Variants in DSCAM observed in about 807,000 individuals in gnomAD.
DSCAM encodes the protein DS cell adhesion molecule, also known as cell adhesion molecule DSCAM.
DSCAM carries 47 observed loss-of-function variants against 217.7 expected under a neutral mutation model. That is an observed-to-expected ratio of 0.22 (90% CI 0.17 to 0.28). The LOEUF is 0.28. DSCAM is among the 10% of genes least tolerant of loss of function. The pLI is 1.00. For synonymous variants in DSCAM, 1,056 were observed against 1,015.3 expected (o/e 1.04, Z -0.76); for missense variants, 2,080 against 2,618.3 (o/e 0.79, Z 4.49).
chr21:40,698,694 A>AC lies in DSCAM; in HGVS notation c.362-5739dup, dbSNP rs2090620937. 2.0e-5 allele frequency among the ~76,000 whole-genome samples: 3 copies of AC among 151,978 alleles called. No individual in the cohort carries two copies. The South Asian group carries it at 6.2e-4, about 32-fold the overall frequency. On this transcript the variant is annotated intron_variant, in intron 2 of 32. Coordinates refer to ENST00000400454, the MANE Select transcript of DSCAM (RefSeq NM_001389.5). ...AGACCAGCCTGGCCAACATGGTGAA[A>AC]CCCCATTTTTACTAAAAATACAAAA...
intron 1 of DSCAM, among the ~76,000 whole-genome samples, chr21:40,740,422 ATG>A (rs2091112787): frequency 6.6e-6 from 1 of 152,182 alleles, no homozygotes; most frequent in South Asian, 2.1e-4. Context: ...TGCTGACCCC[ATG>A]TGCCTCCTCC....
At chr21:40,035,133 C>A (rs1391155436) in intron 32 of DSCAM, among the ~76,000 whole-genome samples, 6 of 73,214 alleles carry the variant, frequency 8.2e-5, no homozygotes, top group African/African-American at 3.6e-4. Context: ...CAGCTAACAT[C>A]ATAATGACAG....
At chr21:40,578,446 A>ACCAATCAGCACTCTGTAAAACG (rs2076873432) in intron 3 of DSCAM, among the ~76,000 whole-genome samples, 19 of 83,892 alleles carry the variant, frequency 2.3e-4, no homozygotes, top group African/African-American at 3.4e-5. Context: ...TCTGTAAAAC[A>ACCAATCAGCACTCTGTAAAACG]GACCAATCAG....
chr21:40,012,883 C>T lies in DSCAM; in HGVS notation c.*151G>A, dbSNP rs2088082663. The T allele has an allele frequency of 1.8e-6, 1 of 564,472 alleles. No homozygotes were observed. Among genetic ancestry groups the T allele is most frequent in the African/African-American group, 2.0e-5 (1 of 50,634 alleles). 35.0% of individuals were successfully genotyped at this position (564,472 alleles called of 1,614,324 possible). A position where few individuals can be genotyped will look rare whatever the true frequency, so the allele number is the denominator to read the frequency against. On this transcript the variant is annotated 3_prime_UTR_variant, in exon 33 of 33. Coordinates refer to ENST00000400454, the MANE Select transcript of DSCAM (RefSeq NM_001389.5). ...GAAAAAAAGCAGGAGAGTCTTTGCA[C>T]TGTCTGTGGTTTCAGTATTTTCTCT...
chr21:40,353,704 T>C lies in DSCAM; in HGVS notation c.695A>G (p.Asp232Gly). 1 of 1,599,678 alleles carries C rather than the reference T, an allele frequency of 6.3e-7. No homozygotes were observed. Among genetic ancestry groups the C allele is most frequent in the Non-Finnish European group, 8.5e-7 (1 of 1,176,056 alleles). Reference sequence around the variant, plus strand: ...CTGCCCAGCCATGGCTTTGCGATGGTCAAACCCATCCAGTATGGATGGGGC... The same window carrying C: ...CTGCCCAGCCATGGCTTTGCGATGGCCAAACCCATCCAGTATGGATGGGGC... ...NSAPSILDGF[D>G]HRKAMAGQRV... Residue 232 changes from aspartate (D) to glycine (G), a missense_variant, in exon 5 of 33, where the codon GAC becomes GGC. Transcript: ENST00000400454.
intron 1 of DSCAM, among the ~76,000 whole-genome samples, chr21:40,805,186 A>G (rs777625975): frequency 6.6e-6 from 1 of 152,202 alleles, no homozygotes; most frequent in Admixed American, 6.5e-5. Context: ...ATGACTGCCC[A>G]GTGACTTCCA....
At chr21:40,380,905 T>C (rs1287554431) in intron 3 of DSCAM, among the ~76,000 whole-genome samples, 1 of 150,734 alleles carries the variant, frequency 6.6e-6, no homozygotes, top group Non-Finnish European at 1.5e-5. Context: ...CTACTAAAAA[T>C]GCAAAAAATT....
chr21:40,341,730 T>C (rs2074493630), intron 6 of DSCAM, among the ~76,000 whole-genome samples: 1 of 152,158 alleles, frequency 6.6e-6, no homozygotes, highest in Non-Finnish European at 1.5e-5. Context: ...ATAATCAGAG[T>C]ACACTTAGAA....
intron 11 of DSCAM, among the ~76,000 whole-genome samples, chr21:40,244,639 A>T (rs1176116498): frequency 6.6e-6 from 1 of 152,114 alleles, no homozygotes; most frequent in African/African-American, 2.4e-5. Context: ...TCTGGACCAA[A>T]GCTAAGTAGC....
chr21:40,052,014 G>A lies in DSCAM; in HGVS notation c.5129C>T (p.Ser1710Leu), dbSNP rs776525485. The change falls in exon 30 of 33, where the codon TCG (serine) becomes TTG (leucine). Residue 1710 changes from serine (S) to leucine (L), a missense_variant. Ser to Leu is a moderately radical substitution (Grantham distance 145). Coordinates refer to ENST00000400454, the MANE Select transcript of DSCAM (RefSeq NM_001389.5). ...TAAGGGCCCAGTGGCCTGAGACACCGATTGGTAATGGACCGTGTGAGTGAC... is the reference window on the plus strand; with the variant it reads ...TAAGGGCCCAGTGGCCTGAGACACCAATTGGTAATGGACCGTGTGAGTGAC... ...LTVTHTVHYQ[S>L]VSQATGPLVD... 4 of 1,614,028 alleles carry A rather than the reference G, an allele frequency of 2.5e-6. No homozygotes were observed. The highest frequency in any genetic ancestry group is 2.2e-5 in the East Asian group (1 of 44,862).
At chr21:40,188,833 A>G (rs2090924058) in intron 12 of DSCAM, among the ~76,000 whole-genome samples, 1 of 150,284 alleles carries the variant, frequency 6.7e-6, no homozygotes, top group South Asian at 2.1e-4. Flanking sequence ...TGCGTTCATA[A>G]TAACCCTATT....
intron 3 of DSCAM, among the ~76,000 whole-genome samples, chr21:40,408,942 T>C (rs866040952): frequency 4.6e-5 from 7 of 152,350 alleles, no homozygotes; most frequent in South Asian, 4.1e-4. Context: ...ACTAGAATAT[T>C]ATCATCTGAC....
chr21:40,598,360 C>T (rs1378737304), intron 3 of DSCAM, among the ~76,000 whole-genome samples: 5 of 152,168 alleles, frequency 3.3e-5, no homozygotes, highest in South Asian at 4.2e-4. Context: ...GATTTTAGTT[C>T]GGTTGCCTTT....
intron 3 of DSCAM, among the ~76,000 whole-genome samples, chr21:40,375,965 A>G (rs2074946019): frequency 6.6e-6 from 1 of 152,274 alleles, no homozygotes; most frequent in Non-Finnish European, 1.5e-5. Flanking sequence ...TTCTTTCATT[A>G]TGCTCCCTGG....
intron 14 of DSCAM, among the ~76,000 whole-genome samples, chr21:40,181,146 T>G (rs1312077911): frequency 6.6e-6 from 1 of 152,180 alleles, no homozygotes; most frequent in Non-Finnish European, 1.5e-5. Flanking sequence ...ATCTTGGATG[T>G]CCATGCATAC....
intron 3 of DSCAM, among the ~76,000 whole-genome samples, chr21:40,477,799 G>A (rs1039585562): frequency 5.9e-5 from 9 of 152,012 alleles, no homozygotes; most frequent in Admixed American, 6.6e-5. Flanking sequence ...TATTTTAAAA[G>A]ATAAAATAAC....
At chr21:40,643,681 A>C (rs761354814) in intron 3 of DSCAM, among the ~76,000 whole-genome samples, 2 of 152,178 alleles carry the variant, frequency 1.3e-5, no homozygotes, top group Non-Finnish European at 2.9e-5. Context: ...AGAGTCTTCA[A>C]GTTAGAATGA....
intron 28 of DSCAM, among the ~76,000 whole-genome samples, chr21:40,057,727 G>C (rs2089048549): frequency 6.6e-6 from 1 of 152,066 alleles, no homozygotes; most frequent in Non-Finnish European, 1.5e-5. Context: ...GACAACCAAG[G>C]CTGGAGGTAA....
At chr21:40,701,161 C>T (rs915787564) in intron 2 of DSCAM, among the ~76,000 whole-genome samples, 2 of 152,042 alleles carry the variant, frequency 1.3e-5, no homozygotes, top group African/African-American at 2.4e-5. Flanking sequence ...TAGGGCTATT[C>T]AGTTTATCTG....
Sources: allele counts gnomAD v4.1 joint callset (sites outside exome capture counted in the v4.1 genomes callset), GRCh38; gene constraint gnomAD v4.1.1; transcripts MANE v1.5; gene names NCBI Gene and HGNC (gene_info 2026-07-23, HGNC 2026-07-21).